Variants in TRERF1 observed in about 807,000 individuals in gnomAD.
TRERF1 encodes the protein transcriptional-regulating factor 1.
Under a neutral mutation model 122.9 loss-of-function variants are expected in TRERF1, and 27 were observed. The ratio of observed to expected loss-of-function variants is 0.22; its 90% CI spans 0.16 to 0.30. The LOEUF is 0.30. Among genes scored for constraint, TRERF1 ranks in the 10% least tolerant of loss-of-function variants. The pLI is 1.00. For missense variants in TRERF1, 1,248 were observed against 1,560.3 expected, an observed-to-expected ratio of 0.80 and a Z score of 3.37; for synonymous variants, 636 against 641.7, an observed-to-expected ratio of 0.99 and a Z score of 0.13.
At chr6:42,407,034 G>A (rs2151405431) in intron 2 of TRERF1, among the ~76,000 whole-genome samples, 1 of 152,320 alleles carries the variant, frequency 6.6e-6, no homozygotes, top group South Asian at 2.1e-4. Flanking sequence ...GGGCTAAGAA[G>A]CTCAAGGTCA....
intron 4 of TRERF1, among the ~76,000 whole-genome samples, chr6:42,297,484 G>A (rs775735487): frequency 6.6e-6 from 1 of 152,194 alleles, no homozygotes; most frequent in African/African-American, 2.4e-5. Flanking sequence ...ACAAAGTTGG[G>A]ACTTCAAATG....
In TRERF1 at chr6:42,263,528, G is replaced by T. The variant is rs879120004; in HGVS notation, c.1676C>A (p.Pro559Gln). 1.9e-6 allele frequency: 3 copies of T among 1,563,934 alleles called. No homozygotes were observed. In the South Asian group the frequency reaches 3.7e-5, roughly 19 times the overall value. ...CGGAGGCGGAGGCGGAGGCGGCAGT[G>T]GTGGCTGGGGCTGAGGCGGCAGGAC... The change falls in exon 8 of 18, where the codon CCA becomes CAA. Residue 559 changes from proline to glutamine, a missense_variant. Transcript: ENST00000372922. The surrounding 1 kb of genome is among the most constrained non-coding windows in gnomAD (Gnocchi z 5.6).
chr6:42,424,687 T>C (rs548862885), intron 2 of TRERF1, among the ~76,000 whole-genome samples: 264 of 152,334 alleles, frequency 1.7e-3, no homozygotes, highest in Non-Finnish European at 2.8e-3. Flanking sequence ...TGCTTGCTAC[T>C]GCACAGCTTC....
chr6:42,356,586 AT>A (rs141723153), intron 3 of TRERF1, among the ~76,000 whole-genome samples: 4,037 of 152,208 alleles, frequency 0.027, 191 homozygotes, highest in African/African-American at 0.093. Flanking sequence ...TTATTTATTT[AT>A]TTTTAAGATG....
exon 12 of TRERF1, chr6:42,256,799 C>T (rs757685959): frequency 6.2e-7 from 1 of 1,614,228 alleles, no homozygotes; most frequent in Non-Finnish European, 8.5e-7. Context: ...CCTGGCAATG[C>T]ACTGGAACAG....
intron 3 of TRERF1, among the ~76,000 whole-genome samples, chr6:42,335,309 A>G (rs1304688284): frequency 6.6e-6 from 1 of 152,176 alleles, no homozygotes; most frequent in African/African-American, 2.4e-5. Context: ...TCTGCTGACA[A>G]GGCAGGGGCA....
At chr6:42,425,470 A>G (rs1299037696) in intron 2 of TRERF1, among the ~76,000 whole-genome samples, 1 of 146,574 alleles carries the variant, frequency 6.8e-6, no homozygotes, top group Non-Finnish European at 1.5e-5. Flanking sequence ...AATCAAGTCC[A>G]GTGTGGCCCC....
At chr6:42,281,337 G>A (rs767903039) in intron 4 of TRERF1, among the ~76,000 whole-genome samples, 9 of 152,042 alleles carry the variant, frequency 5.9e-5, no homozygotes, top group Non-Finnish European at 1.0e-4. Context: ...GCCCAGACAC[G>A]CATACTTCTG....
At chr6:42,379,439 T>A (rs1775523269) in intron 2 of TRERF1, among the ~76,000 whole-genome samples, 1 of 152,084 alleles carries the variant, frequency 6.6e-6, no homozygotes, top group Non-Finnish European at 1.5e-5. Context: ...TTTCCATTTG[T>A]GTTTATCTTT....
intron 2 of TRERF1, among the ~76,000 whole-genome samples, chr6:42,397,415 G>C (rs1778786815): frequency 6.6e-6 from 1 of 152,168 alleles, no homozygotes; most frequent in Non-Finnish European, 1.5e-5. Flanking sequence ...TATTGATTAA[G>C]ATATTATTCA....
chr6:42,390,745 G>A, intron 2 of TRERF1, among the ~76,000 whole-genome samples: 1 of 152,212 alleles, frequency 6.6e-6, no homozygotes, highest in East Asian at 1.9e-4. Context: ...TAGGAAAACA[G>A]TTGTGGGCGA....
intron 3 of TRERF1, among the ~76,000 whole-genome samples, chr6:42,312,199 T>C (rs957200890): frequency 6.6e-6 from 1 of 152,144 alleles, no homozygotes; most frequent in African/African-American, 2.4e-5. Flanking sequence ...CCCCTCATCA[T>C]GCCCTTTTCC....
chr6:42,314,509 G>A (rs979460183), intron 3 of TRERF1, among the ~76,000 whole-genome samples: 6 of 152,224 alleles, frequency 3.9e-5, no homozygotes, highest in East Asian at 3.8e-4. Context: ...ATTGTTCTCC[G>A]TGACTGGCAC....
chr6:42,405,403 A>C (rs1327840852), intron 2 of TRERF1, among the ~76,000 whole-genome samples: 2 of 152,196 alleles, frequency 1.3e-5, no homozygotes, highest in African/African-American at 2.4e-5. Flanking sequence ...AAGAATGATT[A>C]GCCCCACCCA....
intron 2 of TRERF1, among the ~76,000 whole-genome samples, chr6:42,430,345 A>T (rs1207491368): frequency 4.5e-4 from 68 of 152,310 alleles, no homozygotes; most frequent in Non-Finnish European, 1.2e-4. Flanking sequence ...GGCAAGTCCC[A>T]CACCTACTGC....
chr6:42,244,582 G>A (rs1450048508), intron 14 of TRERF1, among the ~76,000 whole-genome samples: 1 of 152,120 alleles, frequency 6.6e-6, no homozygotes, highest in Non-Finnish European at 1.5e-5. Flanking sequence ...ATACTGCTTT[G>A]CAACTTGATT....
chr6:42,343,026 C>T (rs565673214), intron 3 of TRERF1, among the ~76,000 whole-genome samples: 98 of 152,278 alleles, frequency 6.4e-4, no homozygotes, highest in African/African-American at 2.1e-3. Flanking sequence ...ATTCTATGCT[C>T]TGCTATAGTA....
intron 2 of TRERF1, among the ~76,000 whole-genome samples, chr6:42,374,245 T>C (rs1036725693): frequency 1.3e-5 from 2 of 152,066 alleles, no homozygotes; most frequent in Admixed American, 1.3e-4. Context: ...AGCTTGCCCC[T>C]ACACACTCTG....
At chr6:42,412,464 C>T (rs1477855555) in intron 2 of TRERF1, among the ~76,000 whole-genome samples, 5 of 152,098 alleles carry the variant, frequency 3.3e-5, no homozygotes, top group African/African-American at 9.7e-5. Flanking sequence ...AGGTTTGCAG[C>T]TCACACAGGC....
Sources: allele counts gnomAD v4.1 joint callset (sites outside exome capture counted in the v4.1 genomes callset), GRCh38; gene constraint gnomAD v4.1.1; non-coding constraint Gnocchi (gnomAD v3.1); transcripts MANE v1.5; gene names NCBI Gene and HGNC (gene_info 2026-07-23, HGNC 2026-07-21).